TBC1D22A: variants seen among roughly 807,000 people sequenced by gnomAD.
The protein encoded by TBC1D22A is TBC1 domain family member 22A.
TBC1D22A carries 38 observed loss-of-function variants against 60.2 expected under a neutral mutation model. That is an observed-to-expected ratio of 0.63 (90% CI 0.49 to 0.83). TBC1D22A has a LOEUF of 0.83. TBC1D22A is among the 40% of genes least tolerant of loss of function. The pLI, the probability that TBC1D22A is intolerant of heterozygous loss-of-function variation, is 0.00. For missense variants in TBC1D22A, 628 were observed against 701.0 expected, an observed-to-expected ratio of 0.90 and a Z score of 1.18; for synonymous variants, 302 against 281.7, an observed-to-expected ratio of 1.07 and a Z score of -0.72.
intron 12 of TBC1D22A, among the ~76,000 whole-genome samples, chr22:47,157,159 C>A (rs1414189608): frequency 6.6e-6 from 1 of 152,210 alleles, no homozygotes; most frequent in African/African-American, 2.4e-5. Flanking sequence ...TGTGTTGGCT[C>A]TTTTCACGTA....
chr22:46,763,200 C>G, intron 1 of TBC1D22A: 1 of 271,490 alleles, frequency 3.7e-6, no homozygotes, highest in South Asian at 7.9e-5. Flanking sequence ...GCTGGCCGGG[C>G]TGAGGCCCCC....
In TBC1D22A at chr22:47,099,355, G is replaced by A. The variant is rs541866987; in HGVS notation, c.1330-12153G>A. On this transcript the variant is annotated intron_variant, in intron 11 of 12. Transcript: ENST00000337137. ...AGGAGCCAGGGAGAGTTGGGTTTAG[G>A]GGCGGTCAAGAATGGTTTGGCCTAC... Among the ~76,000 whole-genome samples, 43 of 152,310 alleles carry A rather than the reference G, an allele frequency of 2.8e-4. No homozygotes were observed. The South Asian group carries it at 8.7e-3, about 31-fold the overall frequency.
chr22:47,155,758 G>A (rs1445305076), intron 12 of TBC1D22A, among the ~76,000 whole-genome samples: 4 of 151,408 alleles, frequency 2.6e-5, no homozygotes, highest in Non-Finnish European at 5.9e-5. Flanking sequence ...ACCCCCACCC[G>A]AGTGCCCACC....
intron 12 of TBC1D22A, among the ~76,000 whole-genome samples, chr22:47,114,387 G>T (rs967505803): frequency 6.6e-6 from 1 of 152,100 alleles, no homozygotes; most frequent in African/African-American, 2.4e-5. Flanking sequence ...TCTTCCTTTA[G>T]AGGAAGAGGA....
chr22:46,846,459 T>G (rs890987563), intron 4 of TBC1D22A, among the ~76,000 whole-genome samples: 2 of 152,210 alleles, frequency 1.3e-5, no homozygotes, highest in Non-Finnish European at 2.9e-5. Context: ...GAAGGGTGAC[T>G]TCTTTTCCAG....
chr22:47,093,368 A>G (rs186034739), intron 11 of TBC1D22A, among the ~76,000 whole-genome samples: 12 of 151,944 alleles, frequency 7.9e-5, no homozygotes, highest in African/African-American at 2.4e-4. Context: ...TTTGAGTTTG[A>G]TTCTTAGCTA....
chr22:46,863,075 G>A (rs780077863), intron 4 of TBC1D22A, among the ~76,000 whole-genome samples: 5 of 152,190 alleles, frequency 3.3e-5, no homozygotes, highest in Non-Finnish European at 7.3e-5. Flanking sequence ...CCTCCTGGGG[G>A]AGAGAGCAAC....
At chr22:47,135,677 C>T (rs4823597) in intron 12 of TBC1D22A, among the ~76,000 whole-genome samples, 110,889 of 152,218 alleles carry the variant, frequency 0.73, 40,748 homozygotes, top group East Asian at 0.97. Context: ...TGCAATACTT[C>T]GGCTTCTAAA....
At chr22:47,082,163 TA>T (rs1029537701) in intron 11 of TBC1D22A, among the ~76,000 whole-genome samples, 2 of 149,240 alleles carry the variant, frequency 1.3e-5, no homozygotes, top group Non-Finnish European at 3.0e-5. Flanking sequence ...ATCTCAAAAA[TA>T]AAAAAAAAAT....
chr22:46,913,723 A>C, intron 8 of TBC1D22A: 1 of 985,416 alleles, frequency 1.0e-6, no homozygotes. Context: ...CTGAGATGTG[A>C]TTAGAGAATT....
At chr22:47,120,937 T>C (rs1471855712) in intron 12 of TBC1D22A, among the ~76,000 whole-genome samples, 3 of 152,172 alleles carry the variant, frequency 2.0e-5, no homozygotes, top group Admixed American at 1.3e-4. Flanking sequence ...AACATAGAAG[T>C]TGGAAATATC....
intron 8 of TBC1D22A, among the ~76,000 whole-genome samples, chr22:46,971,072 A>G (rs1437510876): frequency 2.6e-5 from 4 of 152,200 alleles, no homozygotes; most frequent in African/African-American, 9.7e-5. Context: ...GGTAATTCCA[A>G]TTCTCCTGGC....
intron 4 of TBC1D22A, among the ~76,000 whole-genome samples, chr22:46,845,128 T>C (rs1435745590): frequency 1.3e-5 from 2 of 152,244 alleles, no homozygotes; most frequent in African/African-American, 2.4e-5. Flanking sequence ...AGACGAGGAA[T>C]GTCTTTGTTG....
chr22:46,801,351 G>A (rs1184973470), intron 4 of TBC1D22A, among the ~76,000 whole-genome samples: 1 of 152,188 alleles, frequency 6.6e-6, no homozygotes, highest in South Asian at 2.1e-4. Flanking sequence ...TGCCAATGTT[G>A]GAGAAGCAAA....
chr22:46,792,899 T>C, intron 2 of TBC1D22A: 1 of 1,406,980 alleles, frequency 7.1e-7, no homozygotes, highest in Non-Finnish European at 9.3e-7. Flanking sequence ...TTTCCCCTCC[T>C]CCTTCCCGCA....
intron 10 of TBC1D22A, among the ~76,000 whole-genome samples, chr22:47,025,160 A>G (rs1432730706): frequency 1.3e-5 from 2 of 152,250 alleles, no homozygotes; most frequent in Non-Finnish European, 2.9e-5. Context: ...AGACACAGTC[A>G]CTGAAGGAGA....
At chr22:46,837,602 C>T (rs556840688) in intron 4 of TBC1D22A, among the ~76,000 whole-genome samples, 4 of 152,146 alleles carry the variant, frequency 2.6e-5, no homozygotes, top group South Asian at 2.1e-4. Context: ...TTCACAAATA[C>T]GTGAACAAGA....
intron 11 of TBC1D22A, among the ~76,000 whole-genome samples, chr22:47,104,623 A>C (rs1319643358): frequency 1.3e-5 from 2 of 149,642 alleles, no homozygotes; most frequent in Non-Finnish European, 3.0e-5. Flanking sequence ...TGAACCCAGG[A>C]GGCAGAGGTT....
intron 11 of TBC1D22A, among the ~76,000 whole-genome samples, chr22:47,045,470 C>T (rs1345504148): frequency 6.6e-6 from 1 of 152,190 alleles, no homozygotes; most frequent in East Asian, 1.9e-4. Flanking sequence ...AATAAATTTC[C>T]TTGTACTTGC....
Sources: gnomAD v4.1 joint callset for allele counts (sites outside exome capture counted in the v4.1 genomes callset) on GRCh38, gnomAD v4.1.1 for gene constraint, MANE v1.5 for transcripts, NCBI Gene and HGNC (gene_info 2026-07-23, HGNC 2026-07-21) for gene names.